The following COL22A1 variants were observed in gnomAD, a reference collection of about 807,000 sequenced individuals.
The protein encoded by COL22A1 is collagen type XXII alpha 1 chain, also known as collagen alpha-1(XXII) chain.
In COL22A1, 221 loss-of-function variants were observed where a neutral mutation model predicts 248.9. That is an observed-to-expected ratio of 0.89 (90% CI 0.80 to 0.99). The LOEUF (loss-of-function observed/expected upper bound fraction) is 0.99. COL22A1 is among the 50% of genes least tolerant of loss of function. The probability of loss-of-function intolerance (pLI) is 0.00; values close to 1 mark genes in which losing one functional copy is unlikely to be tolerated. For synonymous variants in COL22A1, 891 were observed against 793.4 expected (o/e 1.12, Z -2.07); for missense variants, 2,240 against 2,179.0 (o/e 1.03, Z -0.56).
Position 138,596,129 on chromosome 8 carries a change from G to A in COL22A1, c.4432+775C>T, listed in dbSNP as rs115914030. Among the ~76,000 whole-genome samples the A allele has an allele frequency of 5.5e-3, 843 of 152,324 alleles. 10 individuals carry two copies. Among genetic ancestry groups the A allele is most frequent in the African/African-American group, 0.019 (793 of 41,568 alleles). ...CTTTGGGTTAACACTTGCAAGTGCT[G>A]AGAACTTCACCTGATCTTGGCAAAT... On this transcript the variant is annotated intron_variant, in intron 62 of 64. Coordinates refer to ENST00000303045, the MANE Select transcript of COL22A1 (RefSeq NM_152888.3).
At chr8:138,873,223 C>T (rs1241686660) in intron 3 of COL22A1, among the ~76,000 whole-genome samples, 1 of 152,168 alleles carries the variant, frequency 6.6e-6, no homozygotes, top group Non-Finnish European at 1.5e-5. Flanking sequence ...TCTAAATCTG[C>T]ACCAGCCTTC....
chr8:138,907,669 A>C (rs1317684563), intron 1 of COL22A1, among the ~76,000 whole-genome samples: 1 of 152,238 alleles, frequency 6.6e-6, no homozygotes, highest in Non-Finnish European at 1.5e-5. Flanking sequence ...CAGACTGGGC[A>C]ATTTATTAAA....
At chr8:138,685,688 A>T (rs1826294637) in intron 37 of COL22A1, among the ~76,000 whole-genome samples, 1 of 152,246 alleles carries the variant, frequency 6.6e-6, no homozygotes, top group East Asian at 1.9e-4. Context: ...CAGGGACAAG[A>T]CACCACCAAT....
At chr8:138,891,968 C>A (rs559065884) in intron 1 of COL22A1, among the ~76,000 whole-genome samples, 17 of 152,308 alleles carry the variant, frequency 1.1e-4, no homozygotes, top group African/African-American at 3.8e-4. Flanking sequence ...GTTGAACCAG[C>A]CTTGCCTACT....
At chr8:138,820,770 A>C (rs1819047824) in intron 7 of COL22A1, among the ~76,000 whole-genome samples, 1 of 152,168 alleles carries the variant, frequency 6.6e-6, no homozygotes, top group African/African-American at 2.4e-5. Context: ...GACTTTGCAG[A>C]CCTAGGAGCT....
chr8:138,892,792 A>C (rs915221369), intron 1 of COL22A1, among the ~76,000 whole-genome samples: 1 of 152,242 alleles, frequency 6.6e-6, no homozygotes, highest in Non-Finnish European at 1.5e-5. Context: ...GAGATTCGGC[A>C]GATTGCTAGG....
At chr8:138,784,470 C>T (rs1815330123) in intron 12 of COL22A1, among the ~76,000 whole-genome samples, 1 of 152,150 alleles carries the variant, frequency 6.6e-6, no homozygotes, top group Admixed American at 6.5e-5. Flanking sequence ...GGAGCCACCT[C>T]CCCTCCCCTT....
At chr8:138,653,857 T>C (rs1220014932) in intron 45 of COL22A1, among the ~76,000 whole-genome samples, 1 of 152,072 alleles carries the variant, frequency 6.6e-6, no homozygotes, top group Non-Finnish European at 1.5e-5. Flanking sequence ...ATGAACATAG[T>C]CTGTTCCCCA....
At chr8:138,806,312 T>C (rs1817725124) in intron 10 of COL22A1, among the ~76,000 whole-genome samples, 2 of 148,866 alleles carry the variant, frequency 1.3e-5, no homozygotes, top group African/African-American at 4.9e-5. Context: ...TGTTGTATTA[T>C]GGGGTGTGTG....
At chr8:138,793,448 C>T (rs760170229) in intron 12 of COL22A1, among the ~76,000 whole-genome samples, 9 of 151,906 alleles carry the variant, frequency 5.9e-5, no homozygotes, top group African/African-American at 9.7e-5. Flanking sequence ...ATCATCTCAT[C>T]CCACCTCCTC....
rs370254305 is a variant in COL22A1 at position 138,596,971 on chromosome 8, C to T, written c.4366-1G>A. ...GGGTTTCCATGGATGGAGACTCCCC[C>T]TAGGAGGGAGGGAAGGTGGAGTCAT... On this transcript the variant is annotated splice_acceptor_variant, in intron 61 of 64. Coordinates refer to ENST00000303045, the MANE Select transcript of COL22A1 (RefSeq NM_152888.3). LOFTEE classifies it high-confidence loss of function. 27 of 1,613,324 alleles carry T rather than the reference C, an allele frequency of 1.7e-5. No homozygotes were observed. Among genetic ancestry groups the T allele is most frequent in the Non-Finnish European group, 2.2e-5 (26 of 1,179,542 alleles).
intron 1 of COL22A1, among the ~76,000 whole-genome samples, chr8:138,889,583 G>GGGAT (rs1824906991): frequency 6.6e-6 from 1 of 152,146 alleles, no homozygotes. Context: ...GGAGTGGGGA[G>GGGAT]GGATAGCATT....
intron 62 of COL22A1, 48 bp from the exon 63 acceptor site, chr8:138,594,247 C>T (rs756451546): frequency 6.6e-7 from 1 of 1,514,874 alleles, no homozygotes; most frequent in East Asian, 2.5e-5. Context: ...AGATAGTGGA[C>T]ATAGGACAGG....
rs1821218304 is a variant in COL22A1 at position 138,636,785 on chromosome 8, C to A, written c.3512G>T (p.Gly1171Val). The A allele has an allele frequency of 6.2e-7, 1 of 1,612,880 alleles. No individual in the cohort carries two copies. The highest frequency in any genetic ancestry group is 8.5e-7 in the Non-Finnish European group (1 of 1,179,196). Reference sequence around the variant, plus strand: ...AACCTCACCATCTGCACCACGTTCTCCTTGACTTCCCTTGAAAGGAAAAAA... The same window carrying A: ...AACCTCACCATCTGCACCACGTTCTACTTGACTTCCCTTGAAAGGAAAAAA... ...PGIAGPQGSQ[G>V]ERGADGEVGQ... Residue 1171 changes from glycine to valine, a missense_variant, in exon 48 of 65, where the codon GGA becomes GTA. Gly to Val is a moderately radical substitution (Grantham distance 109, BLOSUM62 -3). Transcript: ENST00000303045.
chr8:138,860,227 C>A (rs1178766496), intron 3 of COL22A1, among the ~76,000 whole-genome samples: 2 of 152,192 alleles, frequency 1.3e-5, no homozygotes, highest in Non-Finnish European at 2.9e-5. Context: ...CTTTTCACTT[C>A]TTTAACCTTG....
intron 3 of COL22A1, among the ~76,000 whole-genome samples, chr8:138,867,807 G>A (rs984642309): frequency 7.9e-5 from 12 of 152,132 alleles, no homozygotes; most frequent in Non-Finnish European, 2.9e-5. Flanking sequence ...CTACTCTGTC[G>A]CCAGACTGGA....
chr8:138,825,892 T>C (rs1819539426), intron 6 of COL22A1: 1 of 152,238 alleles, frequency 6.6e-6, no homozygotes, highest in Admixed American at 6.5e-5. Context: ...GAACAAATAG[T>C]AGTGTTGCTT....
intron 4 of COL22A1, among the ~76,000 whole-genome samples, chr8:138,837,141 G>A (rs944439752): frequency 2.0e-5 from 3 of 152,134 alleles, no homozygotes; most frequent in African/African-American, 7.2e-5. Flanking sequence ...GGAGTTACTC[G>A]GTCAACCCCA....
intron 1 of COL22A1, among the ~76,000 whole-genome samples, chr8:138,902,925 T>G (rs375253769): frequency 2.0e-5 from 3 of 151,894 alleles, no homozygotes; most frequent in South Asian, 2.1e-4. Flanking sequence ...CATGAAACGT[T>G]TTCATGGTCG....
Sources: allele counts gnomAD v4.1 joint callset (sites outside exome capture counted in the v4.1 genomes callset), GRCh38; gene constraint gnomAD v4.1.1; transcripts MANE v1.5; gene names NCBI Gene and HGNC (gene_info 2026-07-23, HGNC 2026-07-21).